MUC6: variants seen among roughly 807,000 people sequenced by gnomAD.
The protein encoded by MUC6 is mucin 6, oligomeric mucus/gel-forming (gene/pseudogene).
In MUC6, 188 loss-of-function variants were observed where a neutral mutation model predicts 201.5. The ratio of observed to expected loss-of-function variants is 0.93; its 90% CI spans 0.83 to 1.05. The LOEUF is 1.05. MUC6 is among the 50% of genes least tolerant of loss of function. MUC6 has a pLI of 0.00. For missense variants in MUC6, 2,706 were observed against 3,256.9 expected (o/e 0.83, Z 4.12); for synonymous variants, 1,228 against 1,389.4 (o/e 0.88, Z 2.58).
intron 2 of MUC6, among the ~76,000 whole-genome samples, chr11:1,032,534 C>T (rs981278806): frequency 2.1e-5 from 3 of 143,330 alleles, no homozygotes; most frequent in African/African-American, 7.9e-5. Context: ...GGGTGCGTGT[C>T]TCAGGTGTGT....
Position 1,027,478 on chromosome 11 carries a change from C to CTGT in MUC6, c.2018_2020dup (p.Asn673dup), listed in dbSNP as rs751205980. 6.2e-7 allele frequency: 1 copy of CTGT among 1,612,604 alleles called. No homozygotes were observed. Among genetic ancestry groups the CTGT allele is most frequent in the South Asian group, 1.1e-5 (1 of 91,072 alleles). ...CAGGCAGGTGCGCTCACAGGCTTGG[C>CTGT]TGTTGTAGCTGAAGGTGGTGTTACC... On this transcript the variant is annotated inframe_insertion, in exon 17 of 33. Coordinates refer to ENST00000421673, the MANE Select transcript of MUC6 (RefSeq NM_005961.3).
At chr11:1,014,286 A>T (rs1452747606) in intron 31 of MUC6, among the ~76,000 whole-genome samples, 1 of 152,226 alleles carries the variant, frequency 6.6e-6, no homozygotes, top group Non-Finnish European at 1.5e-5. Context: ...GGCCTGTGTG[A>T]GCCACCCTTG....
Position 1,020,108 on chromosome 11 carries a change from G to A in MUC6, c.3790C>T (p.Pro1264Ser), listed in dbSNP as rs758508219. ...TCCTTACCTCCCGAGGAGGCTGTGG[G>A]CTTGGAGGATGTGAGCGTGGCTGGA... ...LLPATLTSSKPTASSGEPPRP... is the reference protein window; with the variant it reads ...LLPATLTSSKSTASSGEPPRP... Residue 1264 changes from proline to serine, a missense_variant, in exon 29 of 33, where the codon CCC becomes TCC. By Grantham distance (74) the Pro-to-Ser change is moderately conservative (BLOSUM62 -1). Transcript: ENST00000421673. 3.1e-6 allele frequency: 5 copies of A among 1,613,642 alleles called. No individual in the cohort carries two copies. Among genetic ancestry groups the A allele is most frequent in the Non-Finnish European group, 4.2e-6 (5 of 1,179,872 alleles).
rs938925814 is a variant in MUC6 at position 1,036,645 on chromosome 11, C to T, written c.11G>A (p.Arg4Gln). ...TCCGCAGCAGGACAGCAGCAGCCAC[C>T]GCTGGACCATGGTGCACAGTGGAGA... MVQ[R>Q]WLLLSCCGAL... The change falls in exon 1 of 33, where the codon CGG becomes CAG. Residue 4 changes from arginine to glutamine, a missense_variant. Transcript: ENST00000421673. 26 of 1,547,436 alleles carry T rather than the reference C, an allele frequency of 1.7e-5. No homozygotes were observed. Among genetic ancestry groups the T allele is most frequent in the Admixed American group, 5.9e-5 (3 of 50,958 alleles).
intron 1 of MUC6, among the ~76,000 whole-genome samples, chr11:1,034,619 C>A (rs1426818051): frequency 6.6e-6 from 1 of 152,320 alleles, no homozygotes; most frequent in African/African-American, 2.4e-5. Flanking sequence ...TGGCTGCCTG[C>A]CCCTGGGCCA....
At chr11:1,013,867 A>G in intron 32 of MUC6, 32 bp downstream of exon 32, 1 of 1,574,876 alleles carries the variant, frequency 6.3e-7, no homozygotes, top group Non-Finnish European at 8.6e-7. Flanking sequence ...ACCTTGGTGG[A>G]CGTGGGGCAG....
In MUC6 at chr11:1,029,148, G is replaced by A. The variant is rs753122479; in HGVS notation, c.1278C>T (p.Ser426=). 12 of 1,611,088 alleles carry A rather than the reference G, an allele frequency of 7.4e-6. No homozygotes were observed. Among genetic ancestry groups the A allele is most frequent in the Non-Finnish European group, 1.0e-5 (12 of 1,179,242 alleles). ...HGTCTYILLQ[S]PQLPEDGALM... ...GGGCACCGTCCTCGGGAAGCTGGGG[G>A]CTCTGCGAGGGGGCGGGGCTCAGAC... The change falls in exon 11 of 33, where the codon AGC becomes AGT. Residue 426 remains serine (S), a splice_region_variant and synonymous_variant. Coordinates refer to ENST00000421673, the MANE Select transcript of MUC6 (RefSeq NM_005961.3).
Position 1,024,047 on chromosome 11 carries a change from A to G in MUC6, c.3282T>C (p.Ser1094=), listed in dbSNP as rs1856889132. 6.2e-7 allele frequency: 1 copy of G among 1,612,996 alleles called. No homozygotes were observed. The highest frequency in any genetic ancestry group is 1.7e-5 in the Admixed American group (1 of 59,984). Residue 1094 remains serine, a synonymous_variant, in exon 25 of 33, where the codon AGT becomes AGC. Transcript: ENST00000421673. ...CGCACAGACACTCACAGTCCCCGCC[A>G]CTGTCACACCCACATGCGTCGCGCA... The part of the protein sequence containing the change: ...ACVRDACGCD[S]GGDCECLCDA...
intron 31 of MUC6, among the ~76,000 whole-genome samples, 170 bp downstream of exon 31, chr11:1,015,592 G>A (rs1373666473): frequency 6.6e-6 from 1 of 152,158 alleles, no homozygotes; most frequent in African/African-American, 2.4e-5. Context: ...GGCATAGAGG[G>A]TGCCCAGGAG....
chr11:1,030,733 G>T lies in MUC6; in HGVS notation c.732C>A (p.Ser244Arg). 6.5e-7 allele frequency: 1 copy of T among 1,542,860 alleles called. No individual in the cohort carries two copies. The change falls in exon 7 of 33, where the codon AGC (serine) becomes AGA (arginine). Residue 244 changes from serine to arginine, a missense_variant. Coordinates refer to ENST00000421673, the MANE Select transcript of MUC6 (RefSeq NM_005961.3). ...QLLTLVAPEC[S>R]VSKEPFVLSC... Reference sequence around the variant, plus strand: ...TTAGCACGAAGGGCTCCTTGGACACGCTGCACTCAGGGGCCACCAGGGTCA... The same window carrying T: ...TTAGCACGAAGGGCTCCTTGGACACTCTGCACTCAGGGGCCACCAGGGTCA...
chr11:1,035,866 C>T (rs989144864), intron 1 of MUC6, among the ~76,000 whole-genome samples: 1 of 152,138 alleles, frequency 6.6e-6, no homozygotes, highest in Non-Finnish European at 1.5e-5. Context: ...CCTTGGTCGG[C>T]AAGAGGGGTC....
chr11:1,028,806 G>A (rs1227793345), intron 12 of MUC6, 23 bp from the exon 13 acceptor site: 3 of 1,609,036 alleles, frequency 1.9e-6, no homozygotes, highest in African/African-American at 2.7e-5. Context: ...GTGCTCAGTG[G>A]GCCGTCTGGG....
chr11:1,021,385 T>G, intron 26 of MUC6, 108 bp from the exon 27 acceptor site: 2 of 638,346 alleles, frequency 3.1e-6, no homozygotes, highest in Non-Finnish European at 2.4e-6. Flanking sequence ...TTTTTTTTTT[T>G]TTTGAGACAG....
At chr11:1,022,149 A>AG (rs1856826339) in intron 26 of MUC6, among the ~76,000 whole-genome samples, 1 of 62,122 alleles carries the variant, frequency 1.6e-5, no homozygotes, top group Non-Finnish European at 3.0e-5. Context: ...TCTGCAGCCC[A>AG]CGCCCCTCAC....
At position 1,023,519 on chromosome 11, in the gene MUC6, G is replaced by A; in HGVS notation, c.3516C>T (p.Ser1172=). The change falls in exon 26 of 33, where the codon AGC becomes AGT. Residue 1172 remains serine, a synonymous_variant. Transcript: ENST00000421673. Reference sequence around the variant, plus strand: ...CCGGTCACCTGGCACCTTCGATGTTGCTGCCTGGGACGCTCTGTGGCTGGC... The same window carrying A: ...CCGGTCACCTGGCACCTTCGATGTTACTGCCTGGGACGCTCTGTGGCTGGC... ...CPSQPQSVPG[S]NIEGCYNCSQ... is the part of the protein sequence containing the mutation. 3 of 1,586,850 alleles carry A rather than the reference G, an allele frequency of 1.9e-6. No individual in the cohort carries two copies. Among genetic ancestry groups the A allele is most frequent in the South Asian group, 1.1e-5 (1 of 87,326 alleles).
chr11:1,025,048 C>T lies in MUC6; in HGVS notation c.3021G>A (p.Gly1007=). 6.2e-7 allele frequency: 1 copy of T among 1,612,972 alleles called. No individual in the cohort carries two copies. Among genetic ancestry groups the T allele is most frequent in the Non-Finnish European group, 8.5e-7 (1 of 1,179,830 alleles). The change falls in exon 24 of 33, where the codon GGG becomes GGA. Residue 1007 remains glycine (G), a synonymous_variant. Transcript: ENST00000421673. The part of the protein sequence containing the change: ...PLCGLCGNFN[G]NMKDDFETRS... ...GCGTCTCGAAGTCGTCCTTCATGTT[C>T]CCGTTGAAGTTGCCACACAAGCCGC...
chr11:1,016,773 G>A lies in MUC6; in HGVS notation c.6028C>T (p.Pro2010Ser), dbSNP rs750320391. 1 of 1,613,790 alleles carries A rather than the reference G, an allele frequency of 6.2e-7. No individual in the cohort carries two copies. The highest frequency in any genetic ancestry group is 8.5e-7 in the Non-Finnish European group (1 of 1,179,942). ...GTCACCAAGGAGGTGGAGAAAGGTG[G>A]AACGTGAGTGGGAAGTGTGGTCTGA... Reference protein sequence around the residue: ...HPQTTLPTHVPPFSTSLVTPS... With the variant: ...HPQTTLPTHVSPFSTSLVTPS... The change falls in exon 31 of 33, where the codon CCA becomes TCA. Residue 2010 changes from proline to serine, a missense_variant. Physicochemically the swap from Pro to Ser is moderately conservative, Grantham distance 74. Around this residue, in one of 10 missense-constraint regions of MUC6, gnomAD observed 2 missense variants for 60.4 expected, o/e 0.03. Coordinates refer to ENST00000421673, the MANE Select transcript of MUC6 (RefSeq NM_005961.3).
At position 1,025,360 on chromosome 11, in the gene MUC6, G is replaced by C; in HGVS notation, c.2807C>G (p.Ser936Cys). ...GTAGTTTCTGTCCGCCAGCACCACGGACAGGCCCTGTGGGGTGGGGTTGGC... is the reference window on the plus strand; with the variant it reads ...GTAGTTTCTGTCCGCCAGCACCACGCACAGGCCCTGTGGGGTGGGGTTGGC... ...RAIKIFLGGL[S>C]VVLADRNYTV... The change falls in exon 23 of 33, where the codon TCC (serine) becomes TGC (cysteine). Residue 936 changes from serine (S) to cysteine (C), a missense_variant. Around this residue, in one of 10 missense-constraint regions of MUC6, gnomAD observed 1,850 missense variants for 1,958.3 expected, o/e 0.94. Coordinates refer to ENST00000421673, the MANE Select transcript of MUC6 (RefSeq NM_005961.3). The C allele has an allele frequency of 6.2e-7, 1 of 1,609,652 alleles. No homozygotes were observed. Among genetic ancestry groups the C allele is most frequent in the Non-Finnish European group, 8.5e-7 (1 of 1,177,872 alleles).
chr11:1,033,249 A>G lies in MUC6; in HGVS notation c.53-174T>C, dbSNP rs769664169. On this transcript the variant is annotated intron_variant, in intron 1 of 32. Transcript: ENST00000421673. The surrounding 1 kb of genome is among the most constrained non-coding windows in gnomAD (Gnocchi z 5.6). ...CAGCAAGCCAAGCGCTTGGCCTCCC[A>G]TGCTGTCCTTCACGAGCCCCAGCTT... 5 of 618,454 alleles carry G rather than the reference A, an allele frequency of 8.1e-6. No individual in the cohort carries two copies. The highest frequency in any genetic ancestry group is 1.8e-5 in the South Asian group (1 of 55,640). The allele number at this position is 618,454 out of a possible 1,614,324, so 38.3% of individuals were successfully genotyped here.
Sources: allele counts gnomAD v4.1 joint callset (sites outside exome capture counted in the v4.1 genomes callset), GRCh38; gene constraint gnomAD v4.1.1; regional missense constraint gnomAD v4.1.1; non-coding constraint Gnocchi (gnomAD v3.1); transcripts MANE v1.5; gene names NCBI Gene and HGNC (gene_info 2026-07-23, HGNC 2026-07-21).